Variants in RALGPS1 observed in about 807,000 individuals in gnomAD.
The protein encoded by RALGPS1 is Ral GEF with PH domain and SH3 binding motif 1, also known as ras-specific guanine nucleotide-releasing factor RalGPS1.
A neutral mutation model predicts 78.8 loss-of-function variants in RALGPS1; 19 were observed. The observed-to-expected ratio is 0.24, with a 90% CI of 0.17 to 0.35. The LOEUF is 0.35. Among genes scored for constraint, RALGPS1 ranks in the 10% least tolerant of loss-of-function variants. The probability of loss-of-function intolerance (pLI) is 1.00; values close to 1 mark genes in which losing one functional copy is unlikely to be tolerated. For synonymous variants in RALGPS1, 228 were observed against 256.3 expected (o/e 0.89, Z 1.06); for missense variants, 454 against 688.3 (o/e 0.66, Z 3.81).
Position 127,218,864 on chromosome 9 carries a change from G to A in RALGPS1, c.*95G>A, listed in dbSNP as rs1193425049. 2.8e-6 allele frequency: 4 copies of A among 1,424,512 alleles called. No homozygotes were observed. The highest frequency in any genetic ancestry group is 4.0e-6 in the Non-Finnish European group (4 of 1,008,808). The allele number at this position is 1,424,512 out of a possible 1,614,324, so 88.2% of individuals were successfully genotyped here. On this transcript the variant is annotated 3_prime_UTR_variant, in exon 19 of 19. Coordinates refer to ENST00000259351, the MANE Select transcript of RALGPS1 (RefSeq NM_014636.3). The surrounding 1 kb of genome is among the most constrained non-coding windows in gnomAD (Gnocchi z 4.4). ...GTCCTGGGCACAGGCTGTGAGCCAG[G>A]GTGCTGGGAAACTCACAGCTGGACT...
chr9:127,196,160 C>T (rs1343458302), intron 12 of RALGPS1, among the ~76,000 whole-genome samples: 1 of 152,256 alleles, frequency 6.6e-6, no homozygotes, highest in East Asian at 1.9e-4. Flanking sequence ...TGGCCACAGG[C>T]CCACTGCTGC....
chr9:126,973,044 A>G (rs2040271520), intron 3 of RALGPS1, among the ~76,000 whole-genome samples: 2 of 152,226 alleles, frequency 1.3e-5, no homozygotes, highest in Admixed American at 1.3e-4. Flanking sequence ...CCTGGGCGAC[A>G]GAGCGAGACT....
intron 8 of RALGPS1, among the ~76,000 whole-genome samples, chr9:127,104,019 C>T (rs563108304): frequency 1.3e-5 from 2 of 151,246 alleles, no homozygotes; most frequent in South Asian, 4.1e-4. Context: ...GGTACAAGTC[C>T]CAGGGTCGAT....
intron 8 of RALGPS1, among the ~76,000 whole-genome samples, chr9:127,089,426 C>T (rs1053352675): frequency 6.6e-5 from 10 of 152,178 alleles, no homozygotes; most frequent in Admixed American, 2.0e-4. Flanking sequence ...CCGCACAGGG[C>T]GGCTCTGAGG....
chr9:127,175,910 C>T (rs1422646284), intron 11 of RALGPS1, among the ~76,000 whole-genome samples: 1 of 152,144 alleles, frequency 6.6e-6, no homozygotes, highest in Non-Finnish European at 1.5e-5. Flanking sequence ...AGGCCAACCT[C>T]TGTAACAGCT....
At chr9:127,080,254 A>G (rs1472474416) in intron 8 of RALGPS1, among the ~76,000 whole-genome samples, 4 of 152,184 alleles carry the variant, frequency 2.6e-5, no homozygotes, top group Non-Finnish European at 5.9e-5. Context: ...ACAAAGATAT[A>G]TCCTTTTTTG....
chr9:127,210,038 G>A (rs1172704765), intron 14 of RALGPS1, among the ~76,000 whole-genome samples: 5 of 152,232 alleles, frequency 3.3e-5, no homozygotes, highest in Admixed American at 3.3e-4. Context: ...GAAAGAGGGT[G>A]CCTCCCCGCG....
At chr9:126,992,915 A>G (rs1220048593) in intron 4 of RALGPS1, among the ~76,000 whole-genome samples, 1 of 152,218 alleles carries the variant, frequency 6.6e-6, no homozygotes, top group Non-Finnish European at 1.5e-5. Context: ...GTTGGGTAGA[A>G]GTGGTGAGTG....
chr9:127,204,405 C>A (rs2061819486), intron 14 of RALGPS1, among the ~76,000 whole-genome samples: 1 of 152,138 alleles, frequency 6.6e-6, no homozygotes, highest in Non-Finnish European at 1.5e-5. Context: ...CAGGCAGGAG[C>A]CACTATGTCC....
chr9:127,041,966 G>A lies in RALGPS1; in HGVS notation c.300+7452G>A, dbSNP rs140774204. On this transcript the variant is annotated intron_variant, in intron 5 of 18. Coordinates refer to ENST00000259351, the MANE Select transcript of RALGPS1 (RefSeq NM_014636.3). ...TGTAGAACACCATGCAGCTGTCAGG[G>A]CAGGGAGTAGATGGGACCTCTAAGA... Among the ~76,000 whole-genome samples, 15 of 152,302 alleles carry A rather than the reference G, an allele frequency of 9.8e-5. No homozygotes were observed. In the East Asian group the frequency reaches 2.1e-3, roughly 22 times the overall value.
At chr9:127,209,979 A>G (rs1379696842) in intron 14 of RALGPS1, among the ~76,000 whole-genome samples, 2 of 152,250 alleles carry the variant, frequency 1.3e-5, no homozygotes. Context: ...AGGTTGGAAC[A>G]TCAAGTGGAT....
intron 8 of RALGPS1, among the ~76,000 whole-genome samples, chr9:127,124,767 A>C (rs1402854862): frequency 6.6e-6 from 1 of 152,200 alleles, no homozygotes; most frequent in Non-Finnish European, 1.5e-5. Flanking sequence ...TGAGCAAGAC[A>C]GTGTTGAGAC....
rs746597242 is a variant in RALGPS1, at chr9:127,168,753, G to A, written c.823G>A (p.Val275Met). 6.2e-7 allele frequency: 1 copy of A among 1,611,614 alleles called. No homozygotes were observed. The highest frequency in any genetic ancestry group is 2.2e-5 in the East Asian group (1 of 44,870). Residue 275 changes from valine to methionine, a missense_variant, in exon 10 of 19, where the codon GTG becomes ATG. Transcript: ENST00000259351. ...VRYIEELQKF[V>M]EDDNYKLSLR... is the part of the protein sequence containing the mutation. ...CTACATTGAAGAGCTCCAGAAGTTTGTGGAAGACGACAACTACAAGTAAGT... is the reference window on the plus strand; with the variant it reads ...CTACATTGAAGAGCTCCAGAAGTTTATGGAAGACGACAACTACAAGTAAGT...
intron 8 of RALGPS1, 116 bp downstream of exon 8, chr9:127,069,472 A>G: frequency 8.1e-7 from 1 of 1,241,302 alleles, no homozygotes; most frequent in South Asian, 1.4e-5. Context: ...GTAGATAAAG[A>G]GGCAATTGGT....
intron 11 of RALGPS1, chr9:127,177,755 T>C (rs986407275): frequency 2.7e-6 from 4 of 1,459,298 alleles, no homozygotes; most frequent in African/African-American, 2.8e-5. Flanking sequence ...AAGGAGGCAC[T>C]GCATTTCCTG....
chr9:127,048,855 A>G (rs1026718666), intron 5 of RALGPS1, among the ~76,000 whole-genome samples: 1 of 152,222 alleles, frequency 6.6e-6, no homozygotes, highest in African/African-American at 2.4e-5. Context: ...TTCTATGGAA[A>G]CCCAGTCATG....
At chr9:127,044,096 C>T (rs1465622239) in intron 5 of RALGPS1, among the ~76,000 whole-genome samples, 1 of 152,130 alleles carries the variant, frequency 6.6e-6, no homozygotes, top group African/African-American at 2.4e-5. Context: ...TTTATAGCAG[C>T]TTTATTCATA....
intron 11 of RALGPS1, among the ~76,000 whole-genome samples, chr9:127,176,784 G>A (rs1295324462): frequency 6.6e-6 from 1 of 152,196 alleles, no homozygotes; most frequent in Non-Finnish European, 1.5e-5. Context: ...GCAGGGAGAG[G>A]TGGGAGAGCC....
At chr9:127,217,528 A>C in intron 18 of RALGPS1, 1 of 692,596 alleles carries the variant, frequency 1.4e-6, no homozygotes, top group Non-Finnish European at 1.8e-6. Flanking sequence ...CACTGAATAC[A>C]CTTAAACCTT....
Sources: gnomAD v4.1 joint callset for allele counts (sites outside exome capture counted in the v4.1 genomes callset) on GRCh38, gnomAD v4.1.1 for gene constraint, Gnocchi (gnomAD v3.1) non-coding constraint, MANE v1.5 for transcripts, NCBI Gene and HGNC (gene_info 2026-07-23, HGNC 2026-07-21) for gene names.